Variants in ELAPOR2 observed in about 807,000 individuals in gnomAD.
ELAPOR2 encodes endosome/lysosome-associated apoptosis and autophagy regulator family member 2.
Under a neutral mutation model 120.7 loss-of-function variants are expected in ELAPOR2, and 89 were observed. That is an observed-to-expected ratio of 0.74 (90% CI 0.62 to 0.88). ELAPOR2 has a LOEUF of 0.88. Ranked by LOEUF, ELAPOR2 falls within the 40% of genes least tolerant of loss-of-function variation. The pLI is 0.00. For missense variants in ELAPOR2, 1,134 were observed against 1,251.6 expected, an observed-to-expected ratio of 0.91 and a Z score of 1.42; for synonymous variants, 444 against 444.9, an observed-to-expected ratio of 1.00 and a Z score of 0.03.
rs1344035374 is a variant in ELAPOR2 at position 86,893,046 on chromosome 7, GC to G, written c.2739del (p.Leu913PhefsTer16). On this transcript the variant is annotated frameshift_variant, in exon 20 of 22. Coordinates refer to ENST00000450689, the MANE Select transcript of ELAPOR2 (RefSeq NM_001142749.3). LOFTEE classifies it high-confidence loss of function. ...TCACAGGTTGCCAACTTTTTCTCAG[GC>G]AAAGAAATTCCTTTAATGCACCATT... ...EPKWCIKGIS[L>X]PEKKLATCET... 1 of 1,574,542 alleles carries G rather than the reference GC, an allele frequency of 6.4e-7. No individual in the cohort carries two copies. Among genetic ancestry groups the G allele is most frequent in the African/African-American group, 1.4e-5 (1 of 71,258 alleles).
chr7:87,052,407 T>A (rs533655435), intron 1 of ELAPOR2, among the ~76,000 whole-genome samples: 83 of 152,284 alleles, frequency 5.5e-4, no homozygotes, highest in African/African-American at 1.8e-3. Context: ...ACTGCCCCCA[T>A]GATTCAATTA....
At chr7:86,941,971 GA>G (rs1790816641) in intron 5 of ELAPOR2, 46 bp downstream of exon 5, 3 of 1,175,506 alleles carry the variant, frequency 2.6e-6, no homozygotes, top group African/African-American at 3.1e-5. Context: ...GGGAAAAAAA[GA>G]AGAAGGAAAA....
At chr7:86,993,003 C>T (rs368044792) in intron 1 of ELAPOR2, among the ~76,000 whole-genome samples, 17 of 151,862 alleles carry the variant, frequency 1.1e-4, no homozygotes, top group East Asian at 5.8e-4. Context: ...TTTGGGAGGC[C>T]GAGGCGGGTG....
At chr7:86,897,226 A>G in intron 19 of ELAPOR2, among the ~76,000 whole-genome samples, 1 of 152,076 alleles carries the variant, frequency 6.6e-6, no homozygotes, top group East Asian at 1.9e-4. Context: ...CATTATGTAA[A>G]TCACATCTTG....
At chr7:86,926,071 TATTCA>T (rs1385025282) in intron 9 of ELAPOR2, among the ~76,000 whole-genome samples, 1 of 152,068 alleles carries the variant, frequency 6.6e-6, no homozygotes, top group Non-Finnish European at 1.5e-5. Context: ...TCCTATTGGT[TATTCA>T]ACTTAACAGA....
chr7:86,949,353 T>C (rs1352319827), intron 2 of ELAPOR2, among the ~76,000 whole-genome samples: 5 of 152,142 alleles, frequency 3.3e-5, no homozygotes, highest in African/African-American at 9.7e-5. Context: ...TTAAGGGCTA[T>C]ACTGATGGCA....
intron 1 of ELAPOR2, among the ~76,000 whole-genome samples, chr7:86,979,654 G>A (rs1354501855): frequency 6.6e-6 from 1 of 152,098 alleles, no homozygotes; most frequent in Non-Finnish European, 1.5e-5. Flanking sequence ...TGCAAGACAG[G>A]GTATAGAGTA....
At chr7:86,932,422 G>T (rs969693226) in intron 8 of ELAPOR2, among the ~76,000 whole-genome samples, 1 of 151,816 alleles carries the variant, frequency 6.6e-6, no homozygotes, top group Middle Eastern at 3.2e-3. Context: ...CATTACTAGA[G>T]AATGTATAAT....
intron 8 of ELAPOR2, among the ~76,000 whole-genome samples, chr7:86,927,926 G>C (rs1790150285): frequency 6.6e-6 from 1 of 151,690 alleles, no homozygotes; most frequent in Non-Finnish European, 1.5e-5. Flanking sequence ...TTAAAGCTGG[G>C]GAATCAAAAT....
chr7:86,928,605 G>A (rs1790185243), intron 8 of ELAPOR2, among the ~76,000 whole-genome samples: 1 of 151,820 alleles, frequency 6.6e-6, no homozygotes, highest in Non-Finnish European at 1.5e-5. Flanking sequence ...CTCCAGATTA[G>A]AGCTCTTAAT....
chr7:86,918,616 AT>A (rs1365061195), intron 11 of ELAPOR2, 72 bp from the exon 12 acceptor site: 3 of 974,380 alleles, frequency 3.1e-6, no homozygotes, highest in Non-Finnish European at 4.8e-6. Flanking sequence ...TTAAGCCACT[AT>A]TTTTATTAAA....
chr7:86,990,404 G>A (rs535164404), intron 1 of ELAPOR2, among the ~76,000 whole-genome samples: 72 of 152,152 alleles, frequency 4.7e-4, no homozygotes, highest in South Asian at 1.2e-3. Context: ...GGCTCTATAA[G>A]AGGAGAGACC....
chr7:86,957,205 GC>G (rs1460112711), intron 2 of ELAPOR2, among the ~76,000 whole-genome samples: 1 of 152,076 alleles, frequency 6.6e-6, no homozygotes, highest in Non-Finnish European at 1.5e-5. Context: ...CTTTGTCTTC[GC>G]ACACCTGGAA....
intron 1 of ELAPOR2, among the ~76,000 whole-genome samples, chr7:87,041,193 G>T (rs886924806): frequency 6.6e-6 from 1 of 152,090 alleles, no homozygotes; most frequent in African/African-American, 2.4e-5. Context: ...CACGTTGCAG[G>T]ATGTTATCCA....
chr7:87,011,264 A>AAAAAAAG (rs1554404742), intron 1 of ELAPOR2, among the ~76,000 whole-genome samples: 8 of 133,802 alleles, frequency 6.0e-5, no homozygotes, highest in Non-Finnish European at 7.7e-5. Context: ...AAAAAAAAAA[A>AAAAAAAG]AAAAGAAAAG....
At position 86,925,550 on chromosome 7, in the gene ELAPOR2, A is replaced by G. The variant is rs573640054; in HGVS notation, c.1377T>C (p.Asn459=). ...NMKTSCFNVG[N]SKCDGMNGWE... is the part of the protein sequence containing the mutation. ...TACCATTCATTCCATCGCACTTTGA[A>G]TTCCCAACATTGAAGCAGGAAGTTT... Residue 459 remains asparagine, a synonymous_variant, in exon 10 of 22, where the codon AAT becomes AAC. Coordinates refer to ENST00000450689, the MANE Select transcript of ELAPOR2 (RefSeq NM_001142749.3). 3.6e-5 allele frequency: 58 copies of G among 1,611,970 alleles called. No homozygotes were observed. In the East Asian group the frequency reaches 1.1e-3, roughly 30 times the overall value.
chr7:86,922,261 C>T (rs1482463496), intron 10 of ELAPOR2, among the ~76,000 whole-genome samples: 1 of 151,902 alleles, frequency 6.6e-6, no homozygotes, highest in South Asian at 2.1e-4. Flanking sequence ...AGTCTTTGTC[C>T]ATAGGCACAG....
At chr7:87,010,341 G>A (rs756428430) in intron 1 of ELAPOR2, among the ~76,000 whole-genome samples, 31 of 152,148 alleles carry the variant, frequency 2.0e-4, no homozygotes, top group Non-Finnish European at 4.0e-4. Context: ...CGTAGGAAGT[G>A]AAAATGTACT....
At chr7:86,962,295 T>C (rs1386709606) in intron 2 of ELAPOR2, among the ~76,000 whole-genome samples, 3 of 152,196 alleles carry the variant, frequency 2.0e-5, no homozygotes, top group African/African-American at 7.2e-5. Context: ...AGATACCCAA[T>C]TACATTTTAA....
Sources: gnomAD v4.1 joint callset for allele counts (sites outside exome capture counted in the v4.1 genomes callset) on GRCh38, gnomAD v4.1.1 for gene constraint, MANE v1.5 for transcripts, NCBI Gene and HGNC (gene_info 2026-07-23, HGNC 2026-07-21) for gene names.